The following CCDC178 variants were observed in gnomAD, a reference collection of about 807,000 sequenced individuals.
CCDC178 encodes the protein coiled-coil domain-containing protein 178.
In CCDC178, 126 loss-of-function variants were observed where a neutral mutation model predicts 117.4. The observed-to-expected ratio is 1.07, with a 90% CI of 0.93 to 1.24. CCDC178 has a LOEUF of 1.24. Ranked by LOEUF, CCDC178 falls within the 50% of genes most tolerant of loss-of-function variation. CCDC178 has a pLI of 0.00. For synonymous variants in CCDC178, 283 were observed against 313.4 expected (o/e 0.90, Z 1.02); for missense variants, 1,030 against 986.9 (o/e 1.04, Z -0.59).
At chr18:33,058,975 C>A (rs563216926) in intron 21 of CCDC178, among the ~76,000 whole-genome samples, 1 of 151,994 alleles carries the variant, frequency 6.6e-6, no homozygotes, top group South Asian at 2.1e-4. Flanking sequence ...TTTATAAGTT[C>A]CAAGAAAAAT....
At chr18:33,319,980 A>T (rs1272276414) in intron 11 of CCDC178, among the ~76,000 whole-genome samples, 2 of 152,356 alleles carry the variant, frequency 1.3e-5, no homozygotes, top group East Asian at 1.9e-4. Context: ...AACAGAACCA[A>T]TGACAAAAAA....
chr18:33,299,034 C>A (rs761213093), intron 11 of CCDC178, among the ~76,000 whole-genome samples: 7 of 152,062 alleles, frequency 4.6e-5, no homozygotes, highest in Non-Finnish European at 7.4e-5. Flanking sequence ...TCAAAATGAC[C>A]ATACTACCCA....
intron 22 of CCDC178, among the ~76,000 whole-genome samples, chr18:32,964,727 C>T (rs937984034): frequency 6.6e-6 from 1 of 151,940 alleles, no homozygotes; most frequent in Non-Finnish European, 1.5e-5. Context: ...AACCCATCTA[C>T]TCCAAAACTC....
rs1270739738 is a variant in CCDC178 at position 33,224,902 on chromosome 18, A to G, written c.1691T>C (p.Leu564Pro). The change falls in exon 17 of 23, where the codon CTT becomes CCT. Residue 564 changes from leucine to proline, a missense_variant. By Grantham distance (98) the Leu-to-Pro change is moderately conservative. Transcript: ENST00000383096. Reference sequence around the variant, plus strand: ...ATTTTTTATAAGCTCTTTCCGCTCAAGTGCCTGGACTTCGTAAATGGAATA... The same window carrying G: ...ATTTTTTATAAGCTCTTTCCGCTCAGGTGCCTGGACTTCGTAAATGGAATA... ...KLYSIYEVQA[L>P]ERKELIKNRA... The G allele has an allele frequency of 1.3e-6, 2 of 1,549,824 alleles. No individual in the cohort carries two copies. Among genetic ancestry groups the G allele is most frequent in the South Asian group, 2.5e-5 (2 of 80,156 alleles).
chr18:32,989,597 G>GTA (rs1448436608), intron 21 of CCDC178, among the ~76,000 whole-genome samples: 1 of 152,110 alleles, frequency 6.6e-6, no homozygotes, highest in Non-Finnish European at 1.5e-5. Context: ...TGACTGGGCT[G>GTA]TATTACAATA....
intron 6 of CCDC178, among the ~76,000 whole-genome samples, chr18:33,368,938 C>A (rs2063258649): frequency 6.6e-6 from 1 of 151,544 alleles, no homozygotes; most frequent in Non-Finnish European, 1.5e-5. Context: ...ATTAAAATAC[C>A]TATGATTTTT....
intron 21 of CCDC178, among the ~76,000 whole-genome samples, chr18:33,077,178 G>C (rs755900922): frequency 7.2e-5 from 11 of 152,120 alleles, no homozygotes; most frequent in Non-Finnish European, 1.3e-4. Flanking sequence ...CCCTGTATAT[G>C]GATAATGAGT....
chr18:33,092,992 T>A, intron 20 of CCDC178, 82 bp from the exon 21 acceptor site: 1 of 874,454 alleles, frequency 1.1e-6, no homozygotes, highest in East Asian at 3.0e-5. Context: ...TTTGAATTTT[T>A]ACATCTTTTA....
chr18:33,368,902 A>G (rs1219003514), intron 6 of CCDC178, among the ~76,000 whole-genome samples: 1 of 151,940 alleles, frequency 6.6e-6, no homozygotes, highest in Non-Finnish European at 1.5e-5. Context: ...TACCATTTTA[A>G]TAAGTGGTAG....
intron 20 of CCDC178, among the ~76,000 whole-genome samples, chr18:33,120,106 G>A (rs898080104): frequency 1.3e-5 from 2 of 151,866 alleles, no homozygotes; most frequent in Admixed American, 6.6e-5. Flanking sequence ...AATGGGTGCA[G>A]CCCACCAACA....
chr18:33,056,506 G>C (rs1343361472), intron 21 of CCDC178, among the ~76,000 whole-genome samples: 1 of 152,150 alleles, frequency 6.6e-6, no homozygotes, highest in African/African-American at 2.4e-5. Context: ...ATTTTTTATG[G>C]TTCCTCTCAC....
intron 5 of CCDC178, among the ~76,000 whole-genome samples, chr18:33,377,578 G>A (rs2063382643): frequency 6.6e-6 from 1 of 152,016 alleles, no homozygotes; most frequent in Non-Finnish European, 1.5e-5. Context: ...TCATTTGTTT[G>A]AGGTCTTACA....
intron 20 of CCDC178, among the ~76,000 whole-genome samples, chr18:33,197,190 G>C (rs981416143): frequency 6.6e-6 from 1 of 151,992 alleles, no homozygotes; most frequent in South Asian, 2.1e-4. Flanking sequence ...ACTATTCTTG[G>C]CTAATTTTTA....
At chr18:33,038,317 G>A (rs548870272) in intron 21 of CCDC178, among the ~76,000 whole-genome samples, 79 of 151,956 alleles carry the variant, frequency 5.2e-4, no homozygotes, top group Middle Eastern at 3.4e-3. Context: ...GGGAAGCTTG[G>A]AGTTAGACTA....
At chr18:32,995,444 GA>G (rs200016964) in intron 21 of CCDC178, among the ~76,000 whole-genome samples, 2,346 of 152,126 alleles carry the variant, frequency 0.015, 64 homozygotes, top group African/African-American at 0.053. Flanking sequence ...ATCACAACAT[GA>G]AATAGTATTT....
chr18:33,076,760 T>A (rs565000011), intron 21 of CCDC178, among the ~76,000 whole-genome samples: 1 of 152,322 alleles, frequency 6.6e-6, no homozygotes, highest in East Asian at 1.9e-4. Flanking sequence ...TCAATCTCAG[T>A]ATCTCTCTCA....
At chr18:33,123,366 A>G (rs1345518630) in intron 20 of CCDC178, among the ~76,000 whole-genome samples, 2 of 152,118 alleles carry the variant, frequency 1.3e-5, no homozygotes, top group African/African-American at 4.8e-5. Flanking sequence ...AGTGACTGTA[A>G]CACTCGGACC....
At chr18:33,111,424 A>G (rs939490072) in intron 20 of CCDC178, among the ~76,000 whole-genome samples, 9 of 151,702 alleles carry the variant, frequency 5.9e-5, no homozygotes, top group African/African-American at 2.2e-4. Context: ...GGTTTTAAAT[A>G]TCGCTAAGGC....
chr18:33,133,320 C>T (rs941943144), intron 20 of CCDC178, among the ~76,000 whole-genome samples: 2 of 151,598 alleles, frequency 1.3e-5, no homozygotes, highest in Non-Finnish European at 3.0e-5. Flanking sequence ...TTTTTAAAGA[C>T]GTTTAATTTT....
Sources: gnomAD v4.1 joint callset for allele counts (sites outside exome capture counted in the v4.1 genomes callset) on GRCh38, gnomAD v4.1.1 for gene constraint, MANE v1.5 for transcripts, NCBI Gene and HGNC (gene_info 2026-07-23, HGNC 2026-07-21) for gene names.